DLGAP1: variants seen among roughly 807,000 people sequenced by gnomAD.
The protein encoded by DLGAP1 is disks large-associated protein 1.
In DLGAP1, 11 loss-of-function variants were observed where a neutral mutation model predicts 90.8. The ratio of observed to expected loss-of-function variants is 0.12; its 90% CI spans 0.08 to 0.20. The LOEUF (loss-of-function observed/expected upper bound fraction) is 0.20, where lower values mean the gene tolerates loss of function less well. Among genes scored for constraint, DLGAP1 ranks in the 10% least tolerant of loss-of-function variants. The pLI is 1.00. For missense variants in DLGAP1, 1,050 were observed against 1,333.8 expected (o/e 0.79, Z 3.31); for synonymous variants, 558 against 540.7 (o/e 1.03, Z -0.44).
At chr18:3,941,443 T>A (rs1038905480) in intron 3 of DLGAP1, among the ~76,000 whole-genome samples, 1 of 152,058 alleles carries the variant, frequency 6.6e-6, no homozygotes, top group Non-Finnish European at 1.5e-5. Flanking sequence ...GGAACCAAGG[T>A]TGGGCAAAGT....
chr18:4,037,823 C>A (rs563145605), intron 2 of DLGAP1, among the ~76,000 whole-genome samples: 1 of 152,232 alleles, frequency 6.6e-6, no homozygotes, highest in South Asian at 2.1e-4. Flanking sequence ...GGCTGGGTAT[C>A]TTGGTGCATG....
chr18:4,015,896 A>G (rs1485310269), intron 2 of DLGAP1, among the ~76,000 whole-genome samples: 1 of 152,226 alleles, frequency 6.6e-6, no homozygotes, highest in Non-Finnish European at 1.5e-5. Flanking sequence ...CTTACAAGCC[A>G]CTCCAAATTC....
At chr18:4,343,414 G>A (rs1169255653) in intron 1 of DLGAP1, among the ~76,000 whole-genome samples, 1 of 152,038 alleles carries the variant, frequency 6.6e-6, no homozygotes, top group Non-Finnish European at 1.5e-5. Context: ...GTGAGTTGTG[G>A]ATAGTGGTAG....
intron 1 of DLGAP1, among the ~76,000 whole-genome samples, chr18:4,213,912 G>C (rs2077897601): frequency 6.6e-6 from 1 of 152,094 alleles, no homozygotes; most frequent in Non-Finnish European, 1.5e-5. Flanking sequence ...ACCTGGCTGA[G>C]GGCAGCAGGT....
intron 2 of DLGAP1, among the ~76,000 whole-genome samples, chr18:4,060,559 T>C (rs895042542): frequency 6.6e-6 from 1 of 152,196 alleles, no homozygotes; most frequent in African/African-American, 2.4e-5. Context: ...AAAATCAAAC[T>C]GAGCAATATC....
At chr18:3,554,533 G>A (rs866037426) in intron 9 of DLGAP1, among the ~76,000 whole-genome samples, 2 of 152,284 alleles carry the variant, frequency 1.3e-5, no homozygotes, top group Middle Eastern at 3.4e-3. Context: ...CTCTGTCCAC[G>A]GTCCTCACCG....
In DLGAP1 at chr18:4,035,778, T is replaced by G. The variant is rs1482691506; in HGVS notation, c.-158-30577A>C. Reference sequence around the variant, plus strand: ...TAGGATTTGATTTTCTTTGGCTTAATCACCAAGGGATCACCTCTTTCCAGA... The same window carrying G: ...TAGGATTTGATTTTCTTTGGCTTAAGCACCAAGGGATCACCTCTTTCCAGA... On this transcript the variant is annotated intron_variant, in intron 2 of 12. Transcript: ENST00000315677. Among the ~76,000 whole-genome samples, 4 of 152,196 alleles carry G rather than the reference T, an allele frequency of 2.6e-5. No individual in the cohort carries two copies. The East Asian group carries it at 5.8e-4, about 22-fold the overall frequency.
At chr18:3,970,400 A>G (rs1017708954) in intron 3 of DLGAP1, among the ~76,000 whole-genome samples, 13 of 152,204 alleles carry the variant, frequency 8.5e-5, no homozygotes, top group African/African-American at 3.1e-4. Flanking sequence ...TCAATTTTGT[A>G]GCACTAATAA....
intron 1 of DLGAP1, among the ~76,000 whole-genome samples, chr18:4,200,284 C>T (rs2077584143): frequency 1.3e-5 from 2 of 151,884 alleles, no homozygotes; most frequent in South Asian, 4.2e-4. Context: ...CAGAAATATG[C>T]CCTCATAATT....
intron 1 of DLGAP1, among the ~76,000 whole-genome samples, chr18:4,278,371 T>C (rs1248582945): frequency 6.6e-6 from 1 of 152,164 alleles, no homozygotes; most frequent in Non-Finnish European, 1.5e-5. Flanking sequence ...AGTCTGGGCT[T>C]CTAGAGAACC....
chr18:4,056,373 C>T (rs1013023455), intron 2 of DLGAP1, among the ~76,000 whole-genome samples: 15 of 152,180 alleles, frequency 9.9e-5, no homozygotes, highest in African/African-American at 2.2e-4. Context: ...TGGCCAGAAG[C>T]GGCCTGGGGA....
chr18:3,729,393 C>G lies in DLGAP1; in HGVS notation c.1351-18G>C, dbSNP rs1352283133. ...TCGCTCACCTGCGGGCAGACACAGG[C>G]GTTGTGACACTCGCCTCCACCTGGT... On this transcript the variant is annotated intron_variant, in intron 6 of 12. Transcript: ENST00000315677. This position sits in a 1 kb window ranked among gnomAD's most constrained non-coding sequence, Gnocchi z 6.2. 6.3e-7 allele frequency: 1 copy of G among 1,599,758 alleles called. No homozygotes were observed. Among genetic ancestry groups the G allele is most frequent in the African/African-American group, 1.3e-5 (1 of 74,714 alleles).
intron 7 of DLGAP1, among the ~76,000 whole-genome samples, chr18:3,719,074 G>T (rs1339717969): frequency 6.6e-6 from 1 of 152,074 alleles, no homozygotes; most frequent in Non-Finnish European, 1.5e-5. Context: ...ATAACATTGT[G>T]TGATGTAACT....
At chr18:4,217,121 T>G (rs1223469213) in intron 1 of DLGAP1, among the ~76,000 whole-genome samples, 2 of 152,154 alleles carry the variant, frequency 1.3e-5, no homozygotes, top group African/African-American at 4.8e-5. Context: ...GTGATATACT[T>G]GAGAAGATGC....
chr18:3,896,460 G>T (rs61743069), intron 3 of DLGAP1: 1 of 152,236 alleles, frequency 6.6e-6, no homozygotes, highest in East Asian at 1.9e-4. Flanking sequence ...ATATTGTCTC[G>T]TTTTAATACA....
intron 1 of DLGAP1, among the ~76,000 whole-genome samples, chr18:4,265,111 C>CTTCCTTCT (rs554033368): frequency 6.7e-6 from 1 of 149,644 alleles, no homozygotes; most frequent in African/African-American, 2.5e-5. Flanking sequence ...TTTTTCCTTC[C>CTTCCTTCT]TTCCTTCCTT....
chr18:3,502,303 T>A (rs2049981350), intron 12 of DLGAP1, 190 bp downstream of exon 12: 1 of 1,323,648 alleles, frequency 7.6e-7, no homozygotes, highest in Non-Finnish European at 9.7e-7. Context: ...TCTTTAAAAA[T>A]ATGCCTGAAA....
chr18:4,433,501 T>C (rs1380725611), intron 1 of DLGAP1, among the ~76,000 whole-genome samples: 1 of 152,238 alleles, frequency 6.6e-6, no homozygotes, highest in Non-Finnish European at 1.5e-5. Flanking sequence ...CATACACTGA[T>C]GGATACACAT....
At chr18:4,109,389 G>A (rs1430708563) in intron 2 of DLGAP1, among the ~76,000 whole-genome samples, 1 of 152,070 alleles carries the variant, frequency 6.6e-6, no homozygotes, top group African/African-American at 2.4e-5. Context: ...TCAAAAGGAG[G>A]GAATTGTACA....
Sources: allele counts gnomAD v4.1 joint callset (sites outside exome capture counted in the v4.1 genomes callset), GRCh38; gene constraint gnomAD v4.1.1; non-coding constraint Gnocchi (gnomAD v3.1); transcripts MANE v1.5; gene names NCBI Gene and HGNC (gene_info 2026-07-23, HGNC 2026-07-21).